LUZP1: variants seen among roughly 807,000 people sequenced by gnomAD.
LUZP1 encodes leucine zipper protein 1.
Under a neutral mutation model 71.3 loss-of-function variants are expected in LUZP1, and 25 were observed. That is an observed-to-expected ratio of 0.35 (90% CI 0.26 to 0.49). The LOEUF is 0.49. LUZP1 is among the 20% of genes least tolerant of loss of function. The probability of loss-of-function intolerance (pLI) is 0.99; values close to 1 mark genes in which losing one functional copy is unlikely to be tolerated. For synonymous variants in LUZP1, 481 were observed against 506.4 expected, an observed-to-expected ratio of 0.95 and a Z score of 0.67; for missense variants, 1,142 against 1,300.8, an observed-to-expected ratio of 0.88 and a Z score of 1.88.
At chr1:23,100,810 A>C (rs888330203) in intron 3 of LUZP1, among the ~76,000 whole-genome samples, 1 of 152,194 alleles carries the variant, frequency 6.6e-6, no homozygotes, top group Non-Finnish European at 1.5e-5. Flanking sequence ...CTCCTATATG[A>C]CTTTATTAAA....
chr1:23,111,199 CAAAA>C (rs56805419), intron 2 of LUZP1, among the ~76,000 whole-genome samples: 20 of 96,214 alleles, frequency 2.1e-4, no homozygotes, highest in Admixed American at 3.2e-4. Flanking sequence ...GACGCTGTCT[CAAAA>C]AAAAAAAAAA....
intron 2 of LUZP1, among the ~76,000 whole-genome samples, chr1:23,128,681 G>A (rs1170733402): frequency 1.3e-5 from 2 of 152,136 alleles, no homozygotes; most frequent in Non-Finnish European, 2.9e-5. Flanking sequence ...GTCTCCAATT[G>A]GCACTATTAA....
chr1:23,091,228 T>C (rs751205389), exon 4 of LUZP1: 13 of 1,612,810 alleles, frequency 8.1e-6, no homozygotes, highest in Non-Finnish European at 1.0e-5. Context: ...ACAGTGATGG[T>C]GTCTCCTACC....
At chr1:23,159,757 G>A (rs187956090) in intron 2 of LUZP1, among the ~76,000 whole-genome samples, 2 of 152,356 alleles carry the variant, frequency 1.3e-5, no homozygotes, top group East Asian at 3.9e-4. Context: ...AGCCAAGGCA[G>A]GCGGATTACT....
rs561934526 is a variant in LUZP1 at position 23,168,707 on chromosome 1, C to A, written c.-226+59G>T. The A allele has an allele frequency of 1.6e-4, 25 of 153,956 alleles. 1 individual carries two copies. The highest frequency in any genetic ancestry group is 6.8e-3 in the Middle Eastern group (2 of 296). 9.5% of individuals were successfully genotyped at this position (153,956 alleles called of 1,614,324 possible). A position where few individuals can be genotyped will look rare whatever the true frequency, so the allele number is the denominator to read the frequency against. ...CCTCACCCGGGACCGGCCTCCCAAC[C>A]CCGCCGCCCTCCCCTCCCCGCGCCG... On this transcript the variant is annotated intron_variant, in intron 2 of 4. Transcript: ENST00000302291.
intron 2 of LUZP1, among the ~76,000 whole-genome samples, chr1:23,135,904 G>A: frequency 6.6e-6 from 1 of 152,084 alleles, no homozygotes; most frequent in Admixed American, 6.6e-5. Context: ...TCCTTAACCA[G>A]ACTAACTTAG....
intron 2 of LUZP1, among the ~76,000 whole-genome samples, chr1:23,145,291 C>T (rs983288688): frequency 6.6e-6 from 1 of 152,092 alleles, no homozygotes; most frequent in Non-Finnish European, 1.5e-5. Context: ...ACTCTAGACC[C>T]TACCTCTCTC....
At chr1:23,111,220 A>G (rs1394656582) in intron 2 of LUZP1, among the ~76,000 whole-genome samples, 3 of 128,486 alleles carry the variant, frequency 2.3e-5, no homozygotes, top group Non-Finnish European at 5.0e-5. Context: ...AAAAAAAAAA[A>G]GTTACTGATA....
chr1:23,167,207 T>A (rs1395709645), intron 2 of LUZP1, among the ~76,000 whole-genome samples: 1 of 152,044 alleles, frequency 6.6e-6, no homozygotes, highest in Non-Finnish European at 1.5e-5. Context: ...CAAAAAGAAA[T>A]GTCCTCCTAA....
chr1:23,163,159 GA>G (rs1644482103), intron 2 of LUZP1, among the ~76,000 whole-genome samples: 2 of 148,692 alleles, frequency 1.3e-5, no homozygotes, highest in Non-Finnish European at 3.0e-5. Flanking sequence ...AGAATCGTTT[GA>G]ACCCGGGAGG....
At position 23,094,184 on chromosome 1, in the gene LUZP1, G is replaced by A; in HGVS notation, c.78C>T (p.Arg26=). 6.2e-7 allele frequency: 1 copy of A among 1,614,064 alleles called. No individual in the cohort carries two copies. Among genetic ancestry groups the A allele is most frequent in the Middle Eastern group, 1.6e-4 (1 of 6,062 alleles). The stretch of plus-strand genomic sequence containing the variant: ...TTGTGGCTTCCTCCAACTCATCAAG[G>A]CGGCGGCTTAGACTCTGTAGCTTAA... Residue 26 remains arginine, a synonymous_variant, in exon 4 of 5, where the codon CGC becomes CGT. Coordinates refer to ENST00000302291, the Ensembl canonical transcript of LUZP1. The surrounding 1 kb of genome is among the most constrained non-coding windows in gnomAD (Gnocchi z 4.7).
At chr1:23,096,816 T>C (rs902161836) in intron 3 of LUZP1, among the ~76,000 whole-genome samples, 1 of 151,950 alleles carries the variant, frequency 6.6e-6, no homozygotes, top group African/African-American at 2.4e-5. Context: ...CTACTAAAAA[T>C]ACAAAAATTA....
chr1:23,173,650 C>A (rs1028452060), intron 1 of LUZP1, among the ~76,000 whole-genome samples: 2 of 152,050 alleles, frequency 1.3e-5, no homozygotes, highest in African/African-American at 4.8e-5. Context: ...AGACACTGTG[C>A]CCAGCCTGTT....
At chr1:23,088,912 A>C in exon 5 of LUZP1, 3 of 1,614,134 alleles carry the variant, frequency 1.9e-6, no homozygotes, top group Non-Finnish European at 2.5e-6. Context: ...TCCTCAGCAC[A>C]GGGCCTGGTT....
At chr1:23,163,873 C>G (rs192439950) in intron 2 of LUZP1, 5 of 152,304 alleles carry the variant, frequency 3.3e-5, no homozygotes, top group African/African-American at 1.2e-4. Context: ...CAGTTAACTG[C>G]TCTGAGCTCA....
chr1:23,141,001 A>C (rs995472670), intron 2 of LUZP1: 6 of 152,326 alleles, frequency 3.9e-5, no homozygotes, highest in Admixed American at 1.3e-4. Context: ...AGGTGGATAA[A>C]GAGCTCACCA....
intron 1 of LUZP1, among the ~76,000 whole-genome samples, chr1:23,173,579 T>C (rs111910414): frequency 4.6e-4 from 70 of 152,062 alleles, no homozygotes; most frequent in African/African-American, 1.6e-3. Flanking sequence ...CTGGTCTCCA[T>C]CTTCTGAGCT....
intron 2 of LUZP1, among the ~76,000 whole-genome samples, chr1:23,118,027 C>G (rs1044566557): frequency 6.6e-6 from 1 of 150,706 alleles, no homozygotes; most frequent in Non-Finnish European, 1.5e-5. Flanking sequence ...GAGGTGGAGG[C>G]TGCAACGAGC....
chr1:23,125,882 C>T (rs1387260951), intron 2 of LUZP1, among the ~76,000 whole-genome samples: 1 of 152,176 alleles, frequency 6.6e-6, no homozygotes, highest in Non-Finnish European at 1.5e-5. Context: ...AAGATTATTT[C>T]TATCGACAAG....
Sources: gnomAD v4.1 joint callset for allele counts (sites outside exome capture counted in the v4.1 genomes callset) on GRCh38, gnomAD v4.1.1 for gene constraint, Gnocchi (gnomAD v3.1) non-coding constraint, MANE v1.5 for transcripts, NCBI Gene and HGNC (gene_info 2026-07-23, HGNC 2026-07-21) for gene names.